The following ICA1 variants were observed in gnomAD, a reference collection of about 807,000 sequenced individuals.
ICA1 encodes the protein islet cell autoantigen 1, also known as 69 kDa islet cell autoantigen.
A neutral mutation model predicts 71.0 loss-of-function variants in ICA1; 40 were observed. The observed-to-expected ratio is 0.56, with a 90% CI of 0.44 to 0.73. The LOEUF (loss-of-function observed/expected upper bound fraction) is 0.73. Ranked by LOEUF, ICA1 falls within the 30% of genes least tolerant of loss-of-function variation. The pLI is 0.00. For synonymous variants in ICA1, 207 were observed against 209.5 expected (o/e 0.99, Z 0.10); for missense variants, 578 against 576.5 (o/e 1.00, Z -0.03).
At position 8,170,889 on chromosome 7, in the gene ICA1, G is replaced by A. The variant is rs181527448; in HGVS notation, c.580-12237C>T. 4.0e-5 allele frequency among the ~76,000 whole-genome samples: 6 copies of A among 151,894 alleles called. No homozygotes were observed. The East Asian group carries it at 7.7e-4, about 20-fold the overall frequency. On this transcript the variant is annotated intron_variant, in intron 6 of 13. Transcript: ENST00000402384. Reference sequence around the variant, plus strand: ...TTATGTGAGAAAGCATATTTATTTTGTTCCTGATCTTAGGAGGAAACATCA... The same window carrying A: ...TTATGTGAGAAAGCATATTTATTTTATTCCTGATCTTAGGAGGAAACATCA...
At chr7:8,249,163 G>T (rs1446422279) in intron 1 of ICA1, among the ~76,000 whole-genome samples, 1 of 152,266 alleles carries the variant, frequency 6.6e-6, no homozygotes, top group African/African-American at 2.4e-5. Context: ...CATGGCAGAG[G>T]AAACTGCCAG....
At chr7:8,215,816 T>C (rs765569028) in intron 6 of ICA1, among the ~76,000 whole-genome samples, 2 of 152,172 alleles carry the variant, frequency 1.3e-5, no homozygotes, top group Non-Finnish European at 2.9e-5. Context: ...CCGAGGAGAC[T>C]GAAACTCCCC....
chr7:8,259,237 G>C (rs944954016), intron 1 of ICA1, among the ~76,000 whole-genome samples: 2 of 152,222 alleles, frequency 1.3e-5, no homozygotes, highest in South Asian at 2.1e-4. Flanking sequence ...GGGTCTGGAA[G>C]AGAGTAGCAG....
At position 8,235,649 on chromosome 7, in the gene ICA1, T is replaced by C. The variant is rs528689141; in HGVS notation, c.17+261A>G. On this transcript the variant is annotated intron_variant, in intron 2 of 13. Coordinates refer to ENST00000402384, the MANE Select transcript of ICA1 (RefSeq NM_001136020.3). Reference sequence around the variant, plus strand: ...TAGACAAAATGGTGGTAAGAAAAACTATCAGTAGGTTCCCAAGAGAAAAGT... The same window carrying C: ...TAGACAAAATGGTGGTAAGAAAAACCATCAGTAGGTTCCCAAGAGAAAAGT... Among the ~76,000 whole-genome samples, 36 of 152,272 alleles carry C rather than the reference T, an allele frequency of 2.4e-4. 2 individuals carry two copies. In the South Asian group the frequency reaches 6.8e-3, roughly 29 times the overall value.
At chr7:8,145,876 T>TAAAAAAAAAA (rs1796717949) in intron 8 of ICA1, among the ~76,000 whole-genome samples, 1 of 152,018 alleles carries the variant, frequency 6.6e-6, no homozygotes, top group Admixed American at 6.6e-5. Context: ...AAAAAGACGT[T>TAAAAAAAAAA]ATATACCTTA....
rs959039326 is a variant in ICA1 at position 8,226,607 on chromosome 7, A to C, written c.256+1994T>G. Among the ~76,000 whole-genome samples the C allele has an allele frequency of 2.0e-5, 3 of 152,162 alleles. No homozygotes were observed. Among genetic ancestry groups the C allele is most frequent in the Non-Finnish European group, 4.4e-5 (3 of 68,030 alleles). On this transcript the variant is annotated intron_variant, in intron 4 of 13. Transcript: ENST00000402384. The surrounding 1 kb of genome is among the most constrained non-coding windows in gnomAD (Gnocchi z 4.4). ...ATAGCAACATCCTCAAATTAACCAC[A>C]CTATTTTTAGTCTTCCATCAAAGTT... is the stretch of plus-strand genomic sequence containing the variant.
intron 1 of ICA1, among the ~76,000 whole-genome samples, chr7:8,246,213 T>A (rs1049824033): frequency 6.6e-6 from 1 of 152,162 alleles, no homozygotes; most frequent in Admixed American, 6.5e-5. Context: ...GCCAAGATAT[T>A]GTCACAGTCA....
Position 8,139,025 on chromosome 7 carries a change from T to C in ICA1, c.978A>G (p.Leu326=). Residue 326 remains leucine, a synonymous_variant, in exon 11 of 14, where the codon TTA becomes TTG. Transcript: ENST00000402384. ...GTGTAGAGCCTTTGTCTAAGGCAGA[T>C]AAAATACTTTTTCCATCTTCAGCTG... ...SFKTEDGKSI[L]SALDKGSTHT... The C allele has an allele frequency of 6.2e-7, 1 of 1,613,564 alleles. No homozygotes were observed. The highest frequency in any genetic ancestry group is 8.5e-7 in the Non-Finnish European group (1 of 1,179,560).
intron 1 of ICA1, among the ~76,000 whole-genome samples, chr7:8,255,761 A>G (rs1809899265): frequency 6.7e-6 from 1 of 150,242 alleles, no homozygotes; most frequent in Non-Finnish European, 1.5e-5. Flanking sequence ...GCCTAAGTTG[A>G]AAACCTCACT....
intron 6 of ICA1, among the ~76,000 whole-genome samples, chr7:8,207,996 A>T (rs147478633): frequency 1.9e-3 from 296 of 152,312 alleles, no homozygotes; most frequent in African/African-American, 6.9e-3. Flanking sequence ...GCTTGCATAA[A>T]CCTTGTTAGG....
At chr7:8,133,983 GC>G (rs1431383312) in intron 12 of ICA1, among the ~76,000 whole-genome samples, 1 of 150,778 alleles carries the variant, frequency 6.6e-6, no homozygotes, top group Non-Finnish European at 1.5e-5. Flanking sequence ...AGACAATCTT[GC>G]TAGGGACCCC....
At chr7:8,249,061 G>T (rs374501064) in intron 1 of ICA1, among the ~76,000 whole-genome samples, 5 of 152,204 alleles carry the variant, frequency 3.3e-5, no homozygotes, top group African/African-American at 1.2e-4. Context: ...ATCACTATGT[G>T]CCCCAGACTT....
chr7:8,259,107 A>T (rs1811304463), intron 1 of ICA1, among the ~76,000 whole-genome samples: 2 of 152,206 alleles, frequency 1.3e-5, no homozygotes, highest in South Asian at 4.1e-4. Context: ...CACTTATTTT[A>T]ACAAGCCCCC....
At chr7:8,259,886 T>G (rs72660233) in intron 1 of ICA1, among the ~76,000 whole-genome samples, 3,828 of 152,268 alleles carry the variant, frequency 0.025, 156 homozygotes, top group African/African-American at 0.087. Flanking sequence ...AGATTGCGAA[T>G]GGTGGTGGGG....
chr7:8,157,272 C>T (rs1387775362), intron 7 of ICA1, 58 bp from the exon 8 acceptor site: 2 of 1,455,758 alleles, frequency 1.4e-6, no homozygotes, highest in Non-Finnish European at 1.9e-6. Flanking sequence ...TAGTCCTGGT[C>T]CCCAGGGAAG....
At chr7:8,252,414 CTTACT>C (rs1052773629) in intron 1 of ICA1, among the ~76,000 whole-genome samples, 13 of 152,270 alleles carry the variant, frequency 8.5e-5, no homozygotes, top group African/African-American at 2.9e-4. Flanking sequence ...TCTTACAAAT[CTTACT>C]TTAAAGAATT....
chr7:8,180,764 A>G (rs990687891), intron 6 of ICA1, among the ~76,000 whole-genome samples: 4 of 151,542 alleles, frequency 2.6e-5, no homozygotes, highest in Admixed American at 2.6e-4. Context: ...GGCAATTTTG[A>G]TATTTCCTTT....
At chr7:8,121,142 C>T (rs1786763696) in intron 13 of ICA1, among the ~76,000 whole-genome samples, 1 of 152,192 alleles carries the variant, frequency 6.6e-6, no homozygotes, top group African/African-American at 2.4e-5. Flanking sequence ...TAAACCTAAG[C>T]TGAATCTGGG....
chr7:8,256,828 G>A (rs1389069563), intron 1 of ICA1, among the ~76,000 whole-genome samples: 4 of 152,174 alleles, frequency 2.6e-5, no homozygotes, highest in Non-Finnish European at 5.9e-5. Flanking sequence ...TATGTGCTGG[G>A]CAAGGGGCAA....
Sources: allele counts gnomAD v4.1 joint callset (sites outside exome capture counted in the v4.1 genomes callset), GRCh38; gene constraint gnomAD v4.1.1; non-coding constraint Gnocchi (gnomAD v3.1); transcripts MANE v1.5; gene names NCBI Gene and HGNC (gene_info 2026-07-23, HGNC 2026-07-21).